The following MRPL46 variants were observed in gnomAD, a reference collection of about 807,000 sequenced individuals.
MRPL46 encodes the protein large ribosomal subunit protein mL46.
In MRPL46, 26 loss-of-function variants were observed where a neutral mutation model predicts 31.0. The observed-to-expected ratio is 0.84, with a 90% confidence interval of 0.61 to 1.16. The LOEUF is 1.16. Among genes scored for constraint, MRPL46 ranks in the 50% most tolerant of loss-of-function variants. The probability of loss-of-function intolerance (pLI) is 0.00; values close to 1 mark genes in which losing one functional copy is unlikely to be tolerated. For missense variants in MRPL46, 395 were observed against 340.0 expected, an observed-to-expected ratio of 1.16 and a Z score of -1.27; for synonymous variants, 159 against 141.3, an observed-to-expected ratio of 1.13 and a Z score of -0.89.
chr15:88,465,038 G>T, intron 2 of MRPL46, 162 bp from the exon 3 acceptor site: 1 of 641,462 alleles, frequency 1.6e-6, no homozygotes, highest in Non-Finnish European at 2.4e-6. Flanking sequence ...CCTCTTCCAG[G>T]GAAGAGTCTC....
In MRPL46 at chr15:88,463,499, G is replaced by A. The variant is rs1466764041; in HGVS notation, c.589+1204C>T. ...TAGAACACAAGCTCCTAGGGAGTAG[G>A]GTAGTGTCCTGTTCATCACTGAGAC... On this transcript the variant is annotated intron_variant, in intron 3 of 3. Transcript: ENST00000312475. This position sits in a 1 kb window ranked among gnomAD's most constrained non-coding sequence, Gnocchi z 5.4. 2 of 152,172 alleles carry A rather than the reference G, an allele frequency of 1.3e-5. No homozygotes were observed. Among genetic ancestry groups the A allele is most frequent in the Non-Finnish European group, 2.9e-5 (2 of 68,024 alleles). 9.4% of individuals were successfully genotyped at this position (152,172 alleles called of 1,614,324 possible). A position where few individuals can be genotyped will look rare whatever the true frequency, so the allele number is the denominator to read the frequency against.
Position 88,467,248 on chromosome 15 carries a change from G to C in MRPL46, c.130C>G (p.Pro44Ala), listed in dbSNP as rs2055552570. The stretch of plus-strand genomic sequence containing the variant: ...CACAACGCGCCCAACAAGCGCCATG[G>C]GGATCCGTTGCTTGAGGGTGCGGCT... ...LAAAPSSNGS[P>A]WRLLGALCLQ... The change falls in exon 1 of 4, where the codon CCA (proline) becomes GCA (alanine). Residue 44 changes from proline (P) to alanine (A), a missense_variant. Physicochemically the swap from Pro to Ala is conservative, Grantham distance 27. Transcript: ENST00000312475. The C allele has an allele frequency of 6.2e-7, 1 of 1,613,986 alleles. No homozygotes were observed. The highest frequency in any genetic ancestry group is 8.5e-7 in the Non-Finnish European group (1 of 1,180,008).
At position 88,465,648 on chromosome 15, in the gene MRPL46, T is replaced by C. The variant is rs1488455994; in HGVS notation, c.354A>G (p.Gln118=). The part of the protein sequence containing the change: ...EEDEQDILLA[Q]DLEDMWEQKF... Reference sequence around the variant, plus strand: ...TCTGCTCCCACATATCTTCCAAATCTTGCGCCAGCAATATATCCTGTTCAT... The same window carrying C: ...TCTGCTCCCACATATCTTCCAAATCCTGCGCCAGCAATATATCCTGTTCAT... Residue 118 remains glutamine, a synonymous_variant, in exon 2 of 4, where the codon CAA becomes CAG. Transcript: ENST00000312475. 1.6e-5 allele frequency: 26 copies of C among 1,613,204 alleles called. No individual in the cohort carries two copies. Among genetic ancestry groups the C allele is most frequent in the Non-Finnish European group, 2.2e-5 (26 of 1,179,858 alleles).
intron 2 of MRPL46, 53 bp downstream of exon 2, chr15:88,465,534 G>A: frequency 6.8e-7 from 1 of 1,469,404 alleles, no homozygotes. Context: ...TTTTATTTGG[G>A]AATCCAAATA....
chr15:88,467,050 C>T, intron 1 of MRPL46, 100 bp downstream of exon 1: 2 of 1,340,880 alleles, frequency 1.5e-6, no homozygotes, highest in Admixed American at 4.1e-5. Context: ...AGGTACCATT[C>T]TGCGGATAAG....
chr15:88,464,904 A>C, intron 2 of MRPL46, 28 bp from the exon 3 acceptor site: 1 of 1,599,538 alleles, frequency 6.3e-7, no homozygotes, highest in Non-Finnish European at 8.5e-7. Flanking sequence ...AGAGGAGGTA[A>C]GAAGACTGTG....
In MRPL46 at chr15:88,465,776, G is replaced by A. The variant is rs774339682; in HGVS notation, c.229-3C>T. ...TACAGGCTTCTCTCTATCTCAATCT[G>A]GGAAAATTCAAAGGGCAAAAAACTA... On this transcript the variant is annotated splice_polypyrimidine_tract_variant and splice_region_variant and intron_variant, in intron 1 of 3. Transcript: ENST00000312475. 6 of 1,561,404 alleles carry A rather than the reference G, an allele frequency of 3.8e-6. No individual in the cohort carries two copies. The African/African-American group carries it at 7.0e-5, about 18-fold the overall frequency.
chr15:88,466,413 C>A (rs1222669135), intron 1 of MRPL46, among the ~76,000 whole-genome samples: 1 of 152,114 alleles, frequency 6.6e-6, no homozygotes, highest in Admixed American at 6.5e-5. Context: ...CTGACTGATC[C>A]CCTCACTCAA....
intron 1 of MRPL46, among the ~76,000 whole-genome samples, chr15:88,466,239 T>C (rs2055530906): frequency 6.6e-6 from 1 of 152,280 alleles, no homozygotes; most frequent in African/African-American, 2.4e-5. Context: ...CAGAGAGACA[T>C]TTCTCATAAA....
intron 3 of MRPL46, chr15:88,460,283 G>A (rs1419265769): frequency 5.4e-6 from 1 of 185,684 alleles, no homozygotes; most frequent in Non-Finnish European, 1.1e-5. Context: ...CAGCCCAGTC[G>A]CTAACTGTTG....
At chr15:88,460,176 C>CGCTATCTGCTGGCGAATCAGCCCAGTT (rs2055464686) in intron 3 of MRPL46, 1 of 315,846 alleles carries the variant, frequency 3.2e-6, no homozygotes, top group African/African-American at 2.1e-5. Flanking sequence ...TCAGCCCAGT[C>CGCTATCTGCTGGCGAATCAGCCCAGTT]GCTATCTGCT....
At position 88,459,571 on chromosome 15, in the gene MRPL46, T is replaced by A. The variant is rs1311556772; in HGVS notation, c.*42A>T. The A allele has an allele frequency of 1.2e-6, 2 of 1,611,162 alleles. No individual in the cohort carries two copies. The highest frequency in any genetic ancestry group is 1.3e-5 in the African/African-American group (1 of 74,812). On this transcript the variant is annotated 3_prime_UTR_variant, in exon 4 of 4. Coordinates refer to ENST00000312475, the MANE Select transcript of MRPL46 (RefSeq NM_022163.4). ...TCACACAATGTCCTTGAGGCTCTAA[T>A]CCCAGACTTGTCTGAGCACCGTCCA...
intron 3 of MRPL46, chr15:88,460,911 C>T (rs1393279537): frequency 1.3e-5 from 2 of 151,992 alleles, no homozygotes; most frequent in Non-Finnish European, 2.9e-5. Context: ...AATTTTTTTT[C>T]TGTATTTTTA....
chr15:88,459,553 A>G lies in MRPL46; in HGVS notation c.*60T>C. 1.2e-6 allele frequency: 2 copies of G among 1,600,032 alleles called. No homozygotes were observed. Among genetic ancestry groups the G allele is most frequent in the Non-Finnish European group, 1.7e-6 (2 of 1,172,888 alleles). Reference sequence around the variant, plus strand: ...CCTGCAAATGTGAGGCAATCACACAATGTCCTTGAGGCTCTAATCCCAGAC... The same window carrying G: ...CCTGCAAATGTGAGGCAATCACACAGTGTCCTTGAGGCTCTAATCCCAGAC... On this transcript the variant is annotated 3_prime_UTR_variant, in exon 4 of 4. Coordinates refer to ENST00000312475, the MANE Select transcript of MRPL46 (RefSeq NM_022163.4).
At chr15:88,465,209 T>C in intron 2 of MRPL46, 1 of 411,612 alleles carries the variant, frequency 2.4e-6, no homozygotes, top group Non-Finnish European at 4.3e-6. Context: ...GCCCCTACTT[T>C]CTCTGTTCTT....
intron 3 of MRPL46, chr15:88,464,479 A>G: frequency 2.0e-6 from 1 of 495,562 alleles, no homozygotes; most frequent in South Asian, 2.6e-5. Context: ...TAAATTTTAA[A>G]ATCTCAGTGG....
chr15:88,464,719 G>A lies in MRPL46; in HGVS notation c.573C>T (p.Thr191=), dbSNP rs17851578. ...GETLRGTAER[T]LATLSENNME... ...AAAACCCACCTGAGAGTGTGGCCAG[G>A]GTTCGTTCAGCTGTTCCTCGAAGGG... Residue 191 remains threonine (T), a synonymous_variant, in exon 3 of 4, where the codon ACC becomes ACT. Transcript: ENST00000312475. 3.1e-6 allele frequency: 5 copies of A among 1,613,768 alleles called. No homozygotes were observed. Among genetic ancestry groups the A allele is most frequent in the Non-Finnish European group, 4.2e-6 (5 of 1,179,926 alleles).
rs1598283926 is a variant in MRPL46, at chr15:88,463,191, A to T, written c.589+1512T>A. ...TTGATGTCTCTCCTGCAGGCCACAC[A>T]GGCCCCTTGGGAGAGTCAAGGGAAC... On this transcript the variant is annotated intron_variant, in intron 3 of 3. Transcript: ENST00000312475. This position sits in a 1 kb window ranked among gnomAD's most constrained non-coding sequence, Gnocchi z 5.4. 6.6e-6 allele frequency: 1 copy of T among 152,214 alleles called. No homozygotes were observed. The highest frequency in any genetic ancestry group is 2.4e-5 in the African/African-American group (1 of 41,456). The allele number at this position is 152,214 out of a possible 1,614,324, so 9.4% of individuals were successfully genotyped here. A position where few individuals can be genotyped will look rare whatever the true frequency, so the allele number is the denominator to read the frequency against.
chr15:88,466,524 A>T (rs2142199859), intron 1 of MRPL46, among the ~76,000 whole-genome samples: 1 of 152,350 alleles, frequency 6.6e-6, no homozygotes, highest in South Asian at 2.1e-4. Flanking sequence ...GGGCACAATG[A>T]ACATCTGTAG....
Sources: allele counts gnomAD v4.1 joint callset (sites outside exome capture counted in the v4.1 genomes callset), GRCh38; gene constraint gnomAD v4.1.1; non-coding constraint Gnocchi (gnomAD v3.1); transcripts MANE v1.5; gene names NCBI Gene and HGNC (gene_info 2026-07-23, HGNC 2026-07-21).